The following SULT6B1 variants were observed in gnomAD, a reference collection of about 807,000 sequenced individuals.
SULT6B1 encodes the protein sulfotransferase 6B1.
Under a neutral mutation model 37.2 loss-of-function variants are expected in SULT6B1, and 44 were observed. The ratio of observed to expected loss-of-function variants is 1.18; its 90% CI spans 0.93 to 1.52. The LOEUF (loss-of-function observed/expected upper bound fraction) is 1.52. Among genes scored for constraint, SULT6B1 ranks in the 40% most tolerant of loss-of-function variants. The pLI is 0.00. For synonymous variants in SULT6B1, 140 were observed against 126.0 expected (o/e 1.11, Z -0.74); for missense variants, 450 against 361.0 (o/e 1.25, Z -2.00).
chr2:37,195,827 T>A (rs1252411978), intron 1 of SULT6B1, among the ~76,000 whole-genome samples: 1 of 13,068 alleles, frequency 7.7e-5, no homozygotes, highest in Non-Finnish European at 1.2e-4. Flanking sequence ...TAGTTCTGCA[T>A]TTTTTTTTTT....
chr2:37,188,354 G>A lies in SULT6B1; in HGVS notation c.199+88C>T, dbSNP rs956020970. 5.3e-6 allele frequency: 6 copies of A among 1,141,428 alleles called. No homozygotes were observed. In the Admixed American group the frequency reaches 6.4e-5, roughly 12 times the overall value. The allele number at this position is 1,141,428 out of a possible 1,614,324, so 70.7% of individuals were successfully genotyped here. On this transcript the variant is annotated intron_variant, in intron 1 of 6. Transcript: ENST00000535679. The stretch of plus-strand genomic sequence containing the variant: ...TGCTCAGACAGATTCCTGCAATGAG[G>A]AACCGCCTTCATCCCACCTTTGTCT...
chr2:37,179,619 C>G (rs1368923112), intron 3 of SULT6B1, 35 bp from the exon 4 acceptor site: 1 of 1,595,480 alleles, frequency 6.3e-7, no homozygotes, highest in East Asian at 2.3e-5. Flanking sequence ...TTATTTGGGT[C>G]TATGTTTTGA....
intron 6 of SULT6B1, 151 bp from the exon 7 acceptor site, chr2:37,168,216 G>T: frequency 1.4e-6 from 1 of 721,738 alleles, no homozygotes; most frequent in Non-Finnish European, 2.0e-6. Context: ...TTCAGACGGT[G>T]TCTCGCTCTG....
chr2:37,183,713 A>T (rs1347551324), intron 2 of SULT6B1, among the ~76,000 whole-genome samples, 199 bp from the exon 3 acceptor site: 1 of 151,988 alleles, frequency 6.6e-6, no homozygotes, highest in Non-Finnish European at 1.5e-5. Flanking sequence ...GCGCGATCTC[A>T]GCTCACCGCA....
At chr2:37,179,337 G>T in intron 4 of SULT6B1, 121 bp downstream of exon 4, 1 of 1,265,240 alleles carries the variant, frequency 7.9e-7, no homozygotes, top group Non-Finnish European at 1.1e-6. Context: ...TCATTTAAAT[G>T]AAACTTTTTG....
intron 3 of SULT6B1, among the ~76,000 whole-genome samples, chr2:37,182,145 C>T (rs113664045): frequency 0.03 from 4,505 of 152,252 alleles, 91 homozygotes; most frequent in African/African-American, 0.031. Flanking sequence ...CCCCTCCTGC[C>T]TCTTACCATT....
At chr2:37,175,976 T>C (rs1272625511) in intron 4 of SULT6B1, among the ~76,000 whole-genome samples, 1 of 152,236 alleles carries the variant, frequency 6.6e-6, no homozygotes, top group African/African-American at 2.4e-5. Context: ...TTGAATTAAT[T>C]CCATTTTTTT....
At chr2:37,178,055 T>G (rs1309512155) in intron 4 of SULT6B1, among the ~76,000 whole-genome samples, 1 of 152,062 alleles carries the variant, frequency 6.6e-6, no homozygotes, top group African/African-American at 2.4e-5. Flanking sequence ...TTTAACTTTT[T>G]TTTTGAGACG....
chr2:37,174,319 C>G (rs1210108862), intron 5 of SULT6B1, among the ~76,000 whole-genome samples: 3 of 141,070 alleles, frequency 2.1e-5, no homozygotes, highest in Admixed American at 7.6e-5. Flanking sequence ...ACTGCAGCCT[C>G]TACCTCTTAG....
intron 2 of SULT6B1, among the ~76,000 whole-genome samples, chr2:37,184,894 A>G (rs1676638803): frequency 6.6e-6 from 1 of 152,174 alleles, no homozygotes; most frequent in Admixed American, 6.5e-5. Context: ...AAAAAATGAA[A>G]TTTTAAAAAT....
At chr2:37,175,076 G>T in intron 5 of SULT6B1, 56 bp downstream of exon 5, 2 of 1,000,378 alleles carry the variant, frequency 2.0e-6, no homozygotes, top group Non-Finnish European at 1.5e-6. Context: ...ATAAGTAAGT[G>T]CTCTACGTTG....
intron 3 of SULT6B1, among the ~76,000 whole-genome samples, chr2:37,182,005 A>G (rs11895882): frequency 0.27 from 41,630 of 152,056 alleles, 6,804 homozygotes; most frequent in East Asian, 0.78. Context: ...GGGAATTAGC[A>G]TAGATGACCT....
chr2:37,175,164 C>G lies in SULT6B1; in HGVS notation c.592G>C (p.Val198Leu), dbSNP rs533166581. Residue 198 changes from valine to leucine, a missense_variant, in exon 5 of 7, where the codon GTT becomes CTT. Coordinates refer to ENST00000535679, the MANE Select transcript of SULT6B1 (RefSeq NM_001367551.1). ...NWNKHLDGDN[V>L]KFILYEDLKE... ...AGGTCTTCATATAATATGAACTTAA[C>G]ATTGTCGCCATCAAGATGTTTGTTC... 10 of 1,560,772 alleles carry G rather than the reference C, an allele frequency of 6.4e-6. No individual in the cohort carries two copies. The South Asian group carries it at 1.1e-4, about 17-fold the overall frequency.
intron 1 of SULT6B1, among the ~76,000 whole-genome samples, chr2:37,195,652 T>C (rs896443744): frequency 2.6e-5 from 4 of 152,248 alleles, no homozygotes; most frequent in South Asian, 4.1e-4. Flanking sequence ...AAGGTAGATC[T>C]GTGCCTGTTT....
upstream of SULT6B1, among the ~76,000 whole-genome samples, chr2:37,190,722 G>C (rs1347202572): frequency 6.6e-6 from 1 of 152,152 alleles, no homozygotes; most frequent in African/African-American, 2.4e-5. Flanking sequence ...TTTTAAGGGG[G>C]AAATGTATGG....
rs570849993 is a variant in SULT6B1, at chr2:37,181,066, G to T, written c.403-1482C>A. Among the ~76,000 whole-genome samples the T allele has an allele frequency of 2.0e-5, 3 of 152,238 alleles. No homozygotes were observed. In the South Asian group the frequency reaches 6.2e-4, roughly 32 times the overall value. On this transcript the variant is annotated intron_variant, in intron 3 of 6. Coordinates refer to ENST00000535679, the MANE Select transcript of SULT6B1 (RefSeq NM_001367551.1). ...CCAAATTTGTAAATAACATGAAAGTGGGAGGGAATCAGGATCTCAAAATAC... is the reference window on the plus strand; with the variant it reads ...CCAAATTTGTAAATAACATGAAAGTTGGAGGGAATCAGGATCTCAAAATAC...
chr2:37,195,093 G>T (rs562912060), intron 1 of SULT6B1, among the ~76,000 whole-genome samples: 10 of 152,156 alleles, frequency 6.6e-5, no homozygotes, highest in Admixed American at 1.3e-4. Flanking sequence ...GGGATTACAG[G>T]CATGCTCCAC....
At chr2:37,173,513 A>G (rs1003709462) in intron 5 of SULT6B1, among the ~76,000 whole-genome samples, 3 of 152,308 alleles carry the variant, frequency 2.0e-5, no homozygotes, top group African/African-American at 7.2e-5. Context: ...TGACTTCTCA[A>G]TTAGGACGAC....
chr2:37,170,824 C>T (rs573164840), intron 6 of SULT6B1, among the ~76,000 whole-genome samples: 72 of 152,008 alleles, frequency 4.7e-4, no homozygotes, highest in African/African-American at 1.6e-3. Flanking sequence ...ACGATTCTGC[C>T]CCTTGCCCAC....
Sources: gnomAD v4.1 joint callset for allele counts (sites outside exome capture counted in the v4.1 genomes callset) on GRCh38, gnomAD v4.1.1 for gene constraint, MANE v1.5 for transcripts, NCBI Gene and HGNC (gene_info 2026-07-23, HGNC 2026-07-21) for gene names.